The following PCYT2 variants were observed in gnomAD, a reference collection of about 807,000 sequenced individuals.
The protein encoded by PCYT2 is phosphate cytidylyltransferase 2, ethanolamine, also known as ethanolamine-phosphate cytidylyltransferase.
A neutral mutation model predicts 50.0 loss-of-function variants in PCYT2; 33 were observed. That is an observed-to-expected ratio of 0.66 (90% CI 0.50 to 0.88). The LOEUF is 0.88. Ranked by LOEUF, PCYT2 falls within the 40% of genes least tolerant of loss-of-function variation. The pLI, the probability that PCYT2 is intolerant of heterozygous loss-of-function variation, is 0.00. For missense variants in PCYT2, 430 were observed against 519.7 expected (o/e 0.83, Z 1.68); for synonymous variants, 240 against 203.7 (o/e 1.18, Z -1.52).
chr17:81,909,648 AC>A, intron 1 of PCYT2, 46 bp from the exon 2 acceptor site: 1 of 1,474,196 alleles, frequency 6.8e-7, no homozygotes. Context: ...AAGGGTGGGG[AC>A]CAGGTGTCCC....
chr17:81,906,016 GCCC>G (rs2040243708), intron 9 of PCYT2, 81 bp downstream of exon 9: 1 of 1,260,826 alleles, frequency 7.9e-7, no homozygotes, highest in East Asian at 2.5e-5. Context: ...AAGCCCCCCT[GCCC>G]TGGCTCAGGG....
rs775866125 is a variant in PCYT2, at chr17:81,908,618, A to C, written c.357T>G (p.Thr119=). Residue 119 remains threonine (T), a synonymous_variant, in exon 4 of 13, where the codon ACT becomes ACG. Coordinates refer to ENST00000538936, the MANE Select transcript of PCYT2 (RefSeq NM_002861.5). ...CCTCATAGGTGTCCCGGCCATCTAC[A>C]GTCAGGGTGATGTCATCTAAGCAGT... ...FCVHGNDITL[T]VDGRDTYEEV... The C allele has an allele frequency of 1.9e-6, 3 of 1,613,450 alleles. No individual in the cohort carries two copies. Among genetic ancestry groups the C allele is most frequent in the Non-Finnish European group, 2.5e-6 (3 of 1,179,582 alleles).
intron 11 of PCYT2, 81 bp downstream of exon 11, chr17:81,905,301 C>T (rs2040192776): frequency 7.2e-7 from 1 of 1,394,766 alleles, no homozygotes; most frequent in Non-Finnish European, 9.9e-7. Flanking sequence ...GCCCGTTTCC[C>T]AGGCAGGCAC....
rs1270719758 is a variant in PCYT2 at position 81,902,305 on chromosome 17, G to A, written c.*2528C>T. ...GGCCCGGTCCGCGACACTGGCGGCC[G>A]CCGCCCTGGCGCTGTGCCTGCTGCT... On this transcript the variant is annotated 3_prime_UTR_variant, in exon 13 of 13. Coordinates refer to ENST00000538936, the MANE Select transcript of PCYT2 (RefSeq NM_002861.5). 6 of 1,324,578 alleles carry A rather than the reference G, an allele frequency of 4.5e-6. No homozygotes were observed. The highest frequency in any genetic ancestry group is 2.1e-5 in the South Asian group (1 of 46,644). The allele number at this position is 1,324,578 out of a possible 1,614,324, so 82.1% of individuals were successfully genotyped here.
chr17:81,902,898 G>A lies in PCYT2; in HGVS notation c.*1935C>T. The stretch of plus-strand genomic sequence containing the variant: ...GGCAAACGAATAAATAAATGAGGCG[G>A]CCTCGGAGTGAGGGGTGCTGGAGGA... On this transcript the variant is annotated 3_prime_UTR_variant, in exon 13 of 13. Coordinates refer to ENST00000538936, the MANE Select transcript of PCYT2 (RefSeq NM_002861.5). 1.5e-6 allele frequency: 1 copy of A among 676,762 alleles called. No homozygotes were observed. Among genetic ancestry groups the A allele is most frequent in the Non-Finnish European group, 2.3e-6 (1 of 431,800 alleles). 41.9% of individuals were successfully genotyped at this position (676,762 alleles called of 1,614,324 possible).
rs1222750596 is a variant in PCYT2 at position 81,902,344 on chromosome 17, C to G, written c.*2489G>C. On this transcript the variant is annotated 3_prime_UTR_variant, in exon 13 of 13. Transcript: ENST00000538936. ...GTGCCTGCTGCTGGCGCCGCCTGGC[C>G]TCGCGTGGTACAAGCCAGCGGCGGG... 7.5e-7 allele frequency: 1 copy of G among 1,341,226 alleles called. No individual in the cohort carries two copies. The highest frequency in any genetic ancestry group is 9.5e-7 in the Non-Finnish European group (1 of 1,054,944). The allele number at this position is 1,341,226 out of a possible 1,614,324, so 83.1% of individuals were successfully genotyped here.
Position 81,906,203 on chromosome 17 carries a change from G to A in PCYT2, c.760-26C>T. 1.9e-6 allele frequency: 3 copies of A among 1,587,054 alleles called. No homozygotes were observed. The South Asian group carries it at 3.4e-5, about 18-fold the overall frequency. ...CTGCGGCCAGAGTGCGGCTAGCTCA[G>A]CCCGGAGACTTTTTGGGGGGACAGG... On this transcript the variant is annotated intron_variant, in intron 8 of 12. Coordinates refer to ENST00000538936, the MANE Select transcript of PCYT2 (RefSeq NM_002861.5).
At chr17:81,905,492 G>T in intron 10 of PCYT2, 45 bp from the exon 11 acceptor site, 1 of 1,536,280 alleles carries the variant, frequency 6.5e-7, no homozygotes, top group South Asian at 1.2e-5. Flanking sequence ...GGAGGCAGCG[G>T]CCGTCGCCAC....
In PCYT2 at chr17:81,907,543, G is replaced by C. The variant is rs1288757435; in HGVS notation, c.537+11C>G. 2 of 1,606,324 alleles carry C rather than the reference G, an allele frequency of 1.2e-6. No individual in the cohort carries two copies. The highest frequency in any genetic ancestry group is 3.4e-5 in the Admixed American group (2 of 58,830). ...CTGCGTGCTCAGCTCTCCCTGCACA[G>C]CCGCACTCACCTTGCCAAAACTGTC... is the stretch of plus-strand genomic sequence containing the variant. On this transcript the variant is annotated intron_variant, in intron 6 of 12. Transcript: ENST00000538936.
Position 81,909,325 on chromosome 17 carries a change from G to A in PCYT2, c.178+189C>T, listed in dbSNP as rs938769654. The A allele has an allele frequency of 3.5e-6, 5 of 1,434,006 alleles. No individual in the cohort carries two copies. In the African/African-American group the frequency reaches 7.2e-5, roughly 21 times the overall value. 88.8% of individuals were successfully genotyped at this position (1,434,006 alleles called of 1,614,324 possible). A position where few individuals can be genotyped will look rare whatever the true frequency, so the allele number is the denominator to read the frequency against. On this transcript the variant is annotated intron_variant, in intron 2 of 12. Transcript: ENST00000538936. ...AGCAGGTGCCCCTTCTCTTTAGCTG[G>A]GACAGGAAATGCAAGATGGGAAAGG...
At chr17:81,907,191 ACTGT>A (rs1188312942) in intron 6 of PCYT2, 17 of 1,526,934 alleles carry the variant, frequency 1.1e-5, no homozygotes, top group South Asian at 8.4e-5. Context: ...CCCTGAGACC[ACTGT>A]CTGGTCACCT....
intron 9 of PCYT2, 135 bp downstream of exon 9, chr17:81,905,965 C>A: frequency 1.2e-6 from 1 of 810,256 alleles, no homozygotes; most frequent in Non-Finnish European, 2.0e-6. Flanking sequence ...GGGCAGGTGC[C>A]ACAGAACTCG....
At chr17:81,907,648 C>T in intron 5 of PCYT2, 50 bp from the exon 6 acceptor site, 1 of 1,604,930 alleles carries the variant, frequency 6.2e-7, no homozygotes, top group South Asian at 1.1e-5. Flanking sequence ...CCCGGCGTGG[C>T]CACCCCAGAA....
intron 9 of PCYT2, 59 bp from the exon 10 acceptor site, chr17:81,905,794 C>T (rs563143461): frequency 3.9e-6 from 6 of 1,539,096 alleles, no homozygotes; most frequent in East Asian, 2.2e-5. Flanking sequence ...TAAGCCAGGG[C>T]CACAGGGTGG....
chr17:81,902,240 GC>G lies in PCYT2; in HGVS notation c.*2592del. ...GCGGCCCAGGCGGTGGCTGCTCCGA[GC>G]CCGGACGCCGCCGCCCACCAGTCAG... On this transcript the variant is annotated 3_prime_UTR_variant, in exon 13 of 13. Coordinates refer to ENST00000538936, the MANE Select transcript of PCYT2 (RefSeq NM_002861.5). The G allele has an allele frequency of 8.1e-7, 1 of 1,227,608 alleles. No individual in the cohort carries two copies. Among genetic ancestry groups the G allele is most frequent in the South Asian group, 3.6e-5 (1 of 27,454 alleles). The allele number at this position is 1,227,608 out of a possible 1,614,324, so 76.0% of individuals were successfully genotyped here. A position where few individuals can be genotyped will look rare whatever the true frequency, so the allele number is the denominator to read the frequency against.
At position 81,902,171 on chromosome 17, in the gene PCYT2, C is replaced by A; in HGVS notation, c.*2662G>T. On this transcript the variant is annotated 3_prime_UTR_variant, in exon 13 of 13. Transcript: ENST00000538936. ...GCACCCCAGCCCGCCCGCCGCCCCT[C>A]CCGGCCCTCCGCAGCCTCGGCCCGC... 1.9e-6 allele frequency: 2 copies of A among 1,074,510 alleles called. No homozygotes were observed. The highest frequency in any genetic ancestry group is 4.7e-5 in the South Asian group (1 of 21,492). The allele number at this position is 1,074,510 out of a possible 1,614,324, so 66.6% of individuals were successfully genotyped here.
rs140505995 is a variant in PCYT2, at chr17:81,910,928, G to A, written c.89+339C>T. On this transcript the variant is annotated intron_variant, in intron 1 of 12. Transcript: ENST00000538936. ...ACAGGGACGCTCGCCCGGAGGCCAG[G>A]GGAACCCCTGGACCGGAGCCGGGCA... is the stretch of plus-strand genomic sequence containing the variant. The A allele has an allele frequency of 3.5e-5, 35 of 988,404 alleles. 1 individual carries two copies. In the South Asian group the frequency reaches 1.5e-3, roughly 42 times the overall value. The allele number at this position is 988,404 out of a possible 1,614,324, so 61.2% of individuals were successfully genotyped here.
chr17:81,907,868 C>T lies in PCYT2; in HGVS notation c.408-11G>A. On this transcript the variant is annotated splice_polypyrimidine_tract_variant and intron_variant, in intron 4 of 12. Transcript: ENST00000538936. The stretch of plus-strand genomic sequence containing the variant: ...GTGCGCTTGCATTCTCTGGGGGACA[C>T]AGTGGGAGTGGGGTCTCATCCTGGG... 1 of 1,598,324 alleles carries T rather than the reference C, an allele frequency of 6.3e-7. No individual in the cohort carries two copies. The highest frequency in any genetic ancestry group is 1.1e-5 in the South Asian group (1 of 89,038).
chr17:81,907,174 C>A (rs1273755646), intron 6 of PCYT2: 2 of 1,506,486 alleles, frequency 1.3e-6, no homozygotes, highest in East Asian at 4.9e-5. Context: ...TTGGGAGGGA[C>A]CTGGTACCCT....
Sources: gnomAD v4.1 joint callset for allele counts on GRCh38, gnomAD v4.1.1 for gene constraint, MANE v1.5 for transcripts, NCBI Gene and HGNC (gene_info 2026-07-23, HGNC 2026-07-21) for gene names.